SLC49A3: variants seen among roughly 807,000 people sequenced by gnomAD.
SLC49A3 encodes the protein solute carrier family 49 member A3.
SLC49A3 carries 50 observed loss-of-function variants against 43.8 expected under a neutral mutation model. The observed-to-expected ratio is 1.14, with a 90% CI of 0.91 to 1.45. The LOEUF (loss-of-function observed/expected upper bound fraction) is 1.45. SLC49A3 is among the 40% of genes most tolerant of loss of function. The pLI is 0.00. For missense variants in SLC49A3, 906 were observed against 774.1 expected (o/e 1.17, Z -2.02); for synonymous variants, 413 against 352.0 (o/e 1.17, Z -1.94).
At chr4:682,691 C>G in intron 9 of SLC49A3, 90 bp downstream of exon 9, 4 of 1,094,296 alleles carry the variant, frequency 3.7e-6, no homozygotes, top group Non-Finnish European at 5.2e-6. Flanking sequence ...TTAGGGCTCC[C>G]CACGTAGGGT....
rs779881115 is a variant in SLC49A3, at chr4:682,301, C to T, written c.1337G>A (p.Arg446Gln). The change falls in exon 10 of 10, where the codon CGG becomes CAG. Residue 446 changes from arginine (R) to glutamine (Q), a missense_variant. By Grantham distance (43) the Arg-to-Gln change is conservative. Transcript: ENST00000322224. ...ILAVFFHTPYRRLQAESGEPP... is the reference protein window; with the variant it reads ...ILAVFFHTPYQRLQAESGEPP... ...CTCCCCAGACTCGGCCTGCAGGCGC[C>T]GGTATGGGGTGTGGAAGAAGACCGC... is the stretch of plus-strand genomic sequence containing the variant. 11 of 1,348,618 alleles carry T rather than the reference C, an allele frequency of 8.2e-6. No homozygotes were observed. The East Asian group carries it at 8.5e-5, about 10-fold the overall frequency. The allele number at this position is 1,348,618 out of a possible 1,614,324, so 83.5% of individuals were successfully genotyped here.
downstream of SLC49A3, among the ~76,000 whole-genome samples, chr4:681,360 G>C (rs1208247618): frequency 6.6e-6 from 1 of 152,090 alleles, no homozygotes; most frequent in Admixed American, 6.5e-5. Flanking sequence ...TTAGATCAGC[G>C]GCTGGAGACC....
At chr4:683,030 C>T in intron 8 of SLC49A3, 140 bp from the exon 9 acceptor site, 6 of 1,106,132 alleles carry the variant, frequency 5.4e-6, no homozygotes, top group Non-Finnish European at 7.7e-6. Context: ...GTCATGGGCC[C>T]TATCAGCCGG....
chr4:680,840 C>T (rs1739399300), downstream of SLC49A3: 2 of 633,324 alleles, frequency 3.2e-6, no homozygotes, highest in Non-Finnish European at 5.5e-6. Context: ...TCAGCTCCTG[C>T]TAGGCGCCGG....
At chr4:679,021 T>C (rs200794172), downstream of SLC49A3, 6 of 1,613,534 alleles carry the variant, frequency 3.7e-6, no homozygotes, top group African/African-American at 5.3e-5. Context: ...GAAGGACACC[T>C]ATGCCTCCCT....
At chr4:688,639 G>A (rs1741518961) in intron 1 of SLC49A3, among the ~76,000 whole-genome samples, 1 of 152,164 alleles carries the variant, frequency 6.6e-6, no homozygotes, top group African/African-American at 2.4e-5. Flanking sequence ...TCTGCTGTGT[G>A]CCTGCTGTCC....
chr4:681,916 C>T lies in SLC49A3; in HGVS notation c.*42G>A, dbSNP rs1739744915. On this transcript the variant is annotated 3_prime_UTR_variant, in exon 10 of 10. Transcript: ENST00000322224. ...AGGTGGACCAGATGTTCCAGTTCGC[C>T]TCCATCGATGTGGCGGGCAACCTGG... 3 of 1,319,702 alleles carry T rather than the reference C, an allele frequency of 2.3e-6. No homozygotes were observed. The highest frequency in any genetic ancestry group is 2.7e-5 in the South Asian group (1 of 36,424). 81.7% of individuals were successfully genotyped at this position (1,319,702 alleles called of 1,614,324 possible).
At position 684,246 on chromosome 4, in the gene SLC49A3, G is replaced by A. The variant is rs542009160; in HGVS notation, c.840+237C>T. Among the ~76,000 whole-genome samples the A allele has an allele frequency of 4.6e-5, 7 of 152,246 alleles. No homozygotes were observed. In the East Asian group the frequency reaches 1.2e-3, roughly 25 times the overall value. ...CCCACCTTCCCATCCACAGGGCACC[G>A]TCAGTCCCTCCGCTCCGTCCCACAG... On this transcript the variant is annotated intron_variant, in intron 6 of 9. Coordinates refer to ENST00000322224, the MANE Select transcript of SLC49A3 (RefSeq NM_032219.4).
chr4:682,222 G>A lies in SLC49A3; in HGVS notation c.1416C>T (p.Asp472=). Residue 472 remains aspartate (D), a synonymous_variant, in exon 10 of 10, where the codon GAC becomes GAT. Coordinates refer to ENST00000322224, the MANE Select transcript of SLC49A3 (RefSeq NM_032219.4). The part of the protein sequence containing the change: ...VGGADSGPGV[D]RGGAGRAGVL... ...CCCCAGCCCTTCCTGCTCCCCCTCGGTCCACACCCGGCCCTGAGTCTGCGC... is the reference window on the plus strand; with the variant it reads ...CCCCAGCCCTTCCTGCTCCCCCTCGATCCACACCCGGCCCTGAGTCTGCGC... 1.5e-6 allele frequency: 2 copies of A among 1,377,572 alleles called. No homozygotes were observed. The highest frequency in any genetic ancestry group is 1.9e-6 in the Non-Finnish European group (2 of 1,054,980). 85.3% of individuals were successfully genotyped at this position (1,377,572 alleles called of 1,614,324 possible). A position where few individuals can be genotyped will look rare whatever the true frequency, so the allele number is the denominator to read the frequency against.
chr4:689,884 C>G (rs550669588), upstream of SLC49A3, among the ~76,000 whole-genome samples: 84 of 152,350 alleles, frequency 5.5e-4, no homozygotes, highest in African/African-American at 1.8e-3. Flanking sequence ...ACCTGCTGAT[C>G]CCACAACTGT....
In SLC49A3 at chr4:682,836, G is replaced by A; in HGVS notation, c.1206C>T (p.Arg402=). Residue 402 remains arginine (R), a synonymous_variant, in exon 9 of 10, where the codon CGC becomes CGT. Coordinates refer to ENST00000322224, the MANE Select transcript of SLC49A3 (RefSeq NM_032219.4). The part of the protein sequence containing the change: ...MLAMTALTVR[R]SEPSLSTCQQ... Reference sequence around the variant, plus strand: ...GGCAGGTGGACAAGGACGGCTCCGAGCGTCGCACAGTCAGTGCCGTCATTG... The same window carrying A: ...GGCAGGTGGACAAGGACGGCTCCGAACGTCGCACAGTCAGTGCCGTCATTG... 6.2e-7 allele frequency: 1 copy of A among 1,604,492 alleles called. No homozygotes were observed. The highest frequency in any genetic ancestry group is 1.1e-5 in the South Asian group (1 of 90,152).
At chr4:679,996 C>T (rs1232460750), downstream of SLC49A3, 2 of 1,613,134 alleles carry the variant, frequency 1.2e-6, no homozygotes. Context: ...TGTTTCTGAA[C>T]CTGTTTGGGG....
chr4:686,023 G>A, intron 3 of SLC49A3, 66 bp downstream of exon 3: 1 of 1,606,784 alleles, frequency 6.2e-7, no homozygotes, highest in African/African-American at 1.3e-5. Flanking sequence ...GAGAGCCTGG[G>A]GAGCCGAGCG....
At chr4:680,746 G>A (rs1739386196), downstream of SLC49A3, 4 of 763,816 alleles carry the variant, frequency 5.2e-6, no homozygotes, top group Middle Eastern at 2.8e-4. Flanking sequence ...CCAGCTGAGT[G>A]GGAGGCCAGC....
In SLC49A3 at chr4:685,477, A is replaced by T. The variant is rs1254618602; in HGVS notation, c.585+358T>A. ...CACTTTGGGAAGCCGAGGCAGACGG[A>T]TCATGAGGTCAGGAGTTCGAGACCA... On this transcript the variant is annotated intron_variant, in intron 4 of 9. Coordinates refer to ENST00000322224, the MANE Select transcript of SLC49A3 (RefSeq NM_032219.4). The surrounding 1 kb of genome is among the most constrained non-coding windows in gnomAD (Gnocchi z 4.3). Among the ~76,000 whole-genome samples, 2 of 151,976 alleles carry T rather than the reference A, an allele frequency of 1.3e-5. No homozygotes were observed. Among genetic ancestry groups the T allele is most frequent in the Admixed American group, 1.3e-4 (2 of 15,246 alleles).
At chr4:683,562 C>A in intron 7 of SLC49A3, 47 bp downstream of exon 7, 1 of 1,570,204 alleles carries the variant, frequency 6.4e-7, no homozygotes, top group South Asian at 1.2e-5. Context: ...CGGGCCTCAC[C>A]ACCCACCCAC....
At chr4:684,990 A>G in intron 4 of SLC49A3, 134 bp from the exon 5 acceptor site, 2 of 1,294,506 alleles carry the variant, frequency 1.5e-6, no homozygotes, top group South Asian at 3.0e-5. Context: ...TCTGGTCTGC[A>G]GCTGCCCTTT....
Position 689,066 on chromosome 4 carries a change from C to G in SLC49A3, c.62G>C (p.Arg21Pro), listed in dbSNP as rs1424882109. 30 of 1,573,372 alleles carry G rather than the reference C, an allele frequency of 1.9e-5. 1 individual carries two copies. Among genetic ancestry groups the G allele is most frequent in the Non-Finnish European group, 2.5e-5 (29 of 1,165,018 alleles). Reference protein sequence around the residue: ...LAEPRALCAQRGHRTYARRWV... With the variant: ...LAEPRALCAQPGHRTYARRWV... ...GCGGCGCGCGTAGGTGCGGTGGCCCCGCTGCGCGCACAGGGCCCGGGGCTC... is the reference window on the plus strand; with the variant it reads ...GCGGCGCGCGTAGGTGCGGTGGCCCGGCTGCGCGCACAGGGCCCGGGGCTC... The change falls in exon 1 of 10, where the codon CGG becomes CCG. Residue 21 changes from arginine to proline, a missense_variant. Arg to Pro is a moderately radical substitution (Grantham distance 103). Transcript: ENST00000322224.
rs1741586445 is a variant in SLC49A3 at position 688,991 on chromosome 4, A to G, written c.135+2T>C. 1.3e-6 allele frequency: 2 copies of G among 1,592,104 alleles called. No individual in the cohort carries two copies. The highest frequency in any genetic ancestry group is 2.8e-5 in the African/African-American group (2 of 72,672). ...GCCACCTGTCCCCGCCCCTGCCCCT[A>G]CCGTGGCGTTGGAGCAGTTGAGCAG... On this transcript the variant is annotated splice_donor_variant, in intron 1 of 9. Coordinates refer to ENST00000322224, the MANE Select transcript of SLC49A3 (RefSeq NM_032219.4). LOFTEE classifies it high-confidence loss of function.
Sources: allele counts gnomAD v4.1 joint callset (sites outside exome capture counted in the v4.1 genomes callset), GRCh38; gene constraint gnomAD v4.1.1; non-coding constraint Gnocchi (gnomAD v3.1); transcripts MANE v1.5; gene names NCBI Gene and HGNC (gene_info 2026-07-23, HGNC 2026-07-21).